CDH18: variants seen among roughly 807,000 people sequenced by gnomAD.
CDH18 encodes cadherin-18.
CDH18 carries 31 observed loss-of-function variants against 67.9 expected under a neutral mutation model. That is an observed-to-expected ratio of 0.46 (90% confidence interval 0.34 to 0.62). The LOEUF (loss-of-function observed/expected upper bound fraction) is 0.62. CDH18 is among the 20% of genes least tolerant of loss of function. The pLI is 0.01. For missense variants in CDH18, 890 were observed against 975.5 expected, an observed-to-expected ratio of 0.91 and a Z score of 1.17; for synonymous variants, 362 against 347.2, an observed-to-expected ratio of 1.04 and a Z score of -0.48.
intron 1 of CDH18, among the ~76,000 whole-genome samples, chr5:20,436,958 A>G (rs13183937): frequency 0.22 from 33,324 of 151,488 alleles, 3,847 homozygotes; most frequent in East Asian, 0.3. Context: ...AATGATGATG[A>G]TTTAAATAAA....
intron 1 of CDH18, among the ~76,000 whole-genome samples, chr5:20,371,477 G>A (rs1742992197): frequency 6.6e-6 from 1 of 152,186 alleles, no homozygotes; most frequent in South Asian, 2.1e-4. Context: ...AACATGACAA[G>A]AGTATGCTTT....
intron 1 of CDH18, among the ~76,000 whole-genome samples, chr5:20,454,237 T>C (rs1007673193): frequency 5.9e-5 from 9 of 152,108 alleles, no homozygotes; most frequent in African/African-American, 1.2e-4. Flanking sequence ...TCCTTATCAA[T>C]AGATTCAACT....
chr5:19,745,694 CT>C (rs1176414196), intron 4 of CDH18, among the ~76,000 whole-genome samples: 4 of 152,152 alleles, frequency 2.6e-5, no homozygotes, highest in Non-Finnish European at 2.9e-5. Context: ...TCTTAGGCTC[CT>C]GCAGGCTGGT....
intron 3 of CDH18, among the ~76,000 whole-genome samples, chr5:19,748,112 C>CAAAAAAAAAAAAA (rs766955714): frequency 0.037 from 552 of 14,856 alleles, 235 homozygotes; most frequent in Non-Finnish European, 0.06. Flanking sequence ...GACTCCATCT[C>CAAAAAAAAAAAAA]AAAAAAAAAA....
chr5:19,863,941 T>G (rs1021995751), intron 2 of CDH18, among the ~76,000 whole-genome samples: 12 of 152,018 alleles, frequency 7.9e-5, no homozygotes, highest in Admixed American at 2.0e-4. Context: ...GACTGTAAAC[T>G]AGTTCAACCA....
chr5:20,443,836 T>C (rs781630157), intron 1 of CDH18, among the ~76,000 whole-genome samples: 1 of 151,892 alleles, frequency 6.6e-6, no homozygotes, highest in Non-Finnish European at 1.5e-5. Context: ...ATCTCTATCA[T>C]TCTCAATATA....
intron 2 of CDH18, among the ~76,000 whole-genome samples, chr5:19,892,003 G>T: frequency 6.6e-6 from 1 of 152,122 alleles, no homozygotes; most frequent in Admixed American, 6.6e-5. Flanking sequence ...TCACTTTTCT[G>T]TTCTCTTAGT....
intron 1 of CDH18, among the ~76,000 whole-genome samples, chr5:20,259,233 T>G (rs1307035399): frequency 6.6e-6 from 1 of 151,974 alleles, no homozygotes. Flanking sequence ...CAGAGGAAAG[T>G]GAGGAATGTT....
intron 6 of CDH18, among the ~76,000 whole-genome samples, chr5:19,607,169 T>C (rs1232284782): frequency 2.0e-5 from 3 of 151,598 alleles, no homozygotes; most frequent in South Asian, 2.1e-4. Context: ...GGGAAAATAA[T>C]ATTTTAAGAA....
At chr5:20,029,999 C>T (rs1739245955) in intron 2 of CDH18, among the ~76,000 whole-genome samples, 1 of 152,124 alleles carries the variant, frequency 6.6e-6, no homozygotes. Flanking sequence ...TATTGTTTTC[C>T]ATGATGGCTG....
chr5:19,619,827 C>T (rs183191163), intron 5 of CDH18, among the ~76,000 whole-genome samples: 140 of 152,270 alleles, frequency 9.2e-4, no homozygotes, highest in East Asian at 2.3e-3. Flanking sequence ...ACATTTGTGA[C>T]TCCAAGCTTC....
intron 5 of CDH18, among the ~76,000 whole-genome samples, chr5:19,680,200 GTGT>G: frequency 6.6e-6 from 1 of 152,112 alleles, no homozygotes; most frequent in Admixed American, 6.6e-5. Context: ...ACAATAAATG[GTGT>G]TGTGATAACT....
intron 9 of CDH18, among the ~76,000 whole-genome samples, chr5:19,539,383 A>G (rs1749891935): frequency 1.3e-5 from 2 of 152,214 alleles, no homozygotes; most frequent in South Asian, 2.1e-4. Context: ...CTTAGTAAAA[A>G]CAGGAATTTA....
chr5:20,025,374 CT>C (rs1738804452), intron 2 of CDH18, among the ~76,000 whole-genome samples: 1 of 152,098 alleles, frequency 6.6e-6, no homozygotes, highest in African/African-American at 2.4e-5. Context: ...ATAATTACAA[CT>C]TTTTCTAGGA....
chr5:19,678,587 CA>C (rs1276531615), intron 5 of CDH18, among the ~76,000 whole-genome samples: 1 of 151,540 alleles, frequency 6.6e-6, no homozygotes, highest in Non-Finnish European at 1.5e-5. Context: ...GAAAAAAGAT[CA>C]AACCAATCAC....
intron 1 of CDH18, among the ~76,000 whole-genome samples, chr5:20,530,673 T>C (rs575691817): frequency 4.8e-4 from 73 of 152,208 alleles, no homozygotes; most frequent in African/African-American, 1.7e-3. Flanking sequence ...CTGGGAAAAC[T>C]GGCTAGCCAT....
At chr5:20,480,560 G>A (rs958957021) in intron 1 of CDH18, among the ~76,000 whole-genome samples, 2 of 152,040 alleles carry the variant, frequency 1.3e-5, no homozygotes, top group Non-Finnish European at 2.9e-5. Context: ...TGGGATTACA[G>A]GTATGTGCCA....
intron 3 of CDH18, among the ~76,000 whole-genome samples, chr5:19,818,462 C>T (rs1779520692): frequency 6.6e-6 from 1 of 151,914 alleles, no homozygotes; most frequent in Admixed American, 6.6e-5. Context: ...TTAGTTTTTA[C>T]ACGATTTTTT....
At chr5:20,442,328 A>T (rs959329814) in intron 1 of CDH18, among the ~76,000 whole-genome samples, 1 of 151,978 alleles carries the variant, frequency 6.6e-6, no homozygotes, top group South Asian at 2.1e-4. Flanking sequence ...TGAGGCATAC[A>T]TTTTGACATG....
Sources: allele counts gnomAD v4.1 joint callset (sites outside exome capture counted in the v4.1 genomes callset), GRCh38; gene constraint gnomAD v4.1.1; transcripts MANE v1.5; gene names NCBI Gene and HGNC (gene_info 2026-07-23, HGNC 2026-07-21).